FHAD1: variants seen among roughly 807,000 people sequenced by gnomAD.
The protein encoded by FHAD1 is forkhead-associated domain-containing protein 1.
FHAD1 carries 146 observed loss-of-function variants against 191.3 expected under a neutral mutation model. The observed-to-expected ratio is 0.76, with a 90% confidence interval of 0.67 to 0.88. The LOEUF is 0.88. Among genes scored for constraint, FHAD1 ranks in the 40% least tolerant of loss-of-function variants. The pLI, the probability that FHAD1 is intolerant of heterozygous loss-of-function variation, is 0.00. For missense variants in FHAD1, 1,635 were observed against 1,785.8 expected, an observed-to-expected ratio of 0.92 and a Z score of 1.52; for synonymous variants, 616 against 672.3, an observed-to-expected ratio of 0.92 and a Z score of 1.29.
At chr1:15,260,400 A>G (rs1650469379) in intron 2 of FHAD1, among the ~76,000 whole-genome samples, 1 of 152,226 alleles carries the variant, frequency 6.6e-6, no homozygotes, top group African/African-American at 2.4e-5. Context: ...ATTTATAACA[A>G]TGAGTGTTTA....
intron 2 of FHAD1, among the ~76,000 whole-genome samples, chr1:15,259,880 C>G (rs764543699): frequency 1.3e-5 from 2 of 152,194 alleles, no homozygotes; most frequent in African/African-American, 2.4e-5. Context: ...AAGGGCCCCC[C>G]TCTCCCTGCC....
intron 32 of FHAD1, among the ~76,000 whole-genome samples, chr1:15,390,202 C>T (rs369590893): frequency 1.3e-4 from 20 of 151,872 alleles, no homozygotes; most frequent in East Asian, 7.8e-4. Flanking sequence ...AAAAATTAGC[C>T]GGGTGTGGTG....
chr1:15,361,763 TCCGGAGGCCGAG>T (rs1470654448), intron 22 of FHAD1, among the ~76,000 whole-genome samples: 1 of 151,420 alleles, frequency 6.6e-6, no homozygotes. Context: ...TCCCAGCACT[TCCGGAGGCCGAG>T]GCCGGCGGAT....
At chr1:15,296,541 C>T (rs1470869444) in intron 4 of FHAD1, 143 bp from the exon 5 acceptor site, 50 of 816,276 alleles carry the variant, frequency 6.1e-5, no homozygotes, top group Non-Finnish European at 1.4e-5. Context: ...GCGTGAGCCA[C>T]AGCGCCCGGC....
chr1:15,355,077 T>C (rs1053263373), intron 20 of FHAD1, among the ~76,000 whole-genome samples: 1 of 152,002 alleles, frequency 6.6e-6, no homozygotes, highest in Non-Finnish European at 1.5e-5. Flanking sequence ...GGCATGGTGG[T>C]GCATGCTTGT....
At chr1:15,401,521 T>C (rs72643655), downstream of FHAD1, among the ~76,000 whole-genome samples, 1,171 of 152,350 alleles carry the variant, frequency 7.7e-3, 28 homozygotes, top group Admixed American at 0.048. Context: ...ATGTGGATCC[T>C]TGGATTCGTG....
At chr1:15,291,645 T>C (rs971814176) in intron 4 of FHAD1, among the ~76,000 whole-genome samples, 2 of 152,194 alleles carry the variant, frequency 1.3e-5, no homozygotes, top group African/African-American at 2.4e-5. Context: ...CTATGCGTTA[T>C]CTTACACAGT....
At chr1:15,379,486 G>A (rs979679500) in intron 28 of FHAD1, among the ~76,000 whole-genome samples, 1 of 152,172 alleles carries the variant, frequency 6.6e-6, no homozygotes, top group African/African-American at 2.4e-5. Context: ...GGACGGGCAG[G>A]AGACAGATGC....
intron 32 of FHAD1, among the ~76,000 whole-genome samples, chr1:15,388,820 CGG>C (rs1161859994): frequency 4.6e-5 from 7 of 152,154 alleles, no homozygotes; most frequent in Non-Finnish European, 1.0e-4. Context: ...CTAGAGGGGA[CGG>C]TGTGTGACGT....
chr1:15,382,893 T>C lies in FHAD1; in HGVS notation c.4188+700T>C, dbSNP rs190814690. Among the ~76,000 whole-genome samples the C allele has an allele frequency of 7.0e-4, 106 of 152,130 alleles. 1 individual carries two copies. Among genetic ancestry groups the C allele is most frequent in the African/African-American group, 2.5e-3 (103 of 41,480 alleles). On this transcript the variant is annotated intron_variant, in intron 31 of 33. Coordinates refer to ENST00000688493, the MANE Select transcript of FHAD1 (RefSeq NM_001391957.1). ...GGCTGAAGGAGCCGCAGAGGAAAGG[T>C]GTGAGGATGAGATTTGCTCCCTGGC...
rs777995313 is a variant in FHAD1 at position 15,360,700 on chromosome 1, C to T, written c.2959C>T (p.Pro987Ser). 8.4e-6 allele frequency: 13 copies of T among 1,551,066 alleles called. No individual in the cohort carries two copies. Among genetic ancestry groups the T allele is most frequent in the Non-Finnish European group, 4.4e-6 (5 of 1,146,646 alleles). ...GATTGCAACATTGAAGGACAATGAC[C>T]CAGGTAAGTCCGAAGGGAGGCCAAG... ...GEIATLKDND[P>S]APKEERPQDP... Residue 987 changes from proline to serine, a missense_variant, in exon 22 of 34, where the codon CCA becomes TCA. Physicochemically the swap from Pro to Ser is moderately conservative, Grantham distance 74. Transcript: ENST00000688493.
chr1:15,254,247 CTG>C (rs1647140849), intron 2 of FHAD1, among the ~76,000 whole-genome samples: 1 of 152,146 alleles, frequency 6.6e-6, no homozygotes, highest in Non-Finnish European at 1.5e-5. Context: ...TATTAGAAAA[CTG>C]TAGTAATTTT....
chr1:15,388,415 C>A, intron 32 of FHAD1: 1 of 1,242,834 alleles, frequency 8.0e-7, no homozygotes, highest in Admixed American at 2.9e-5. Context: ...CCCCGTCTGT[C>A]CATTAAGGTG....
At chr1:15,400,381 G>A (rs77214671), downstream of FHAD1, 2,759 of 152,350 alleles carry the variant, frequency 0.018, 31 homozygotes, top group Middle Eastern at 0.034. Flanking sequence ...TGATTCCATG[G>A]GTCAAGCTGC....
intron 15 of FHAD1, among the ~76,000 whole-genome samples, chr1:15,341,173 C>T (rs1045907463): frequency 1.3e-5 from 2 of 152,140 alleles, no homozygotes; most frequent in Non-Finnish European, 2.9e-5. Flanking sequence ...CAGAGCAAGA[C>T]ACCATCTCAA....
rs1689911408 is a variant in FHAD1, at chr1:15,349,039, C to T, written c.2347-3C>T. On this transcript the variant is annotated splice_polypyrimidine_tract_variant and splice_region_variant and intron_variant, in intron 18 of 33. Coordinates refer to ENST00000688493, the MANE Select transcript of FHAD1 (RefSeq NM_001391957.1). The stretch of plus-strand genomic sequence containing the variant: ...ACCAAGAGCACTGGTCGTTGATTTT[C>T]AGGTTTTGGAGAGCAGCATAGCCCA... The T allele has an allele frequency of 5.8e-6, 9 of 1,547,196 alleles. No individual in the cohort carries two copies. The highest frequency in any genetic ancestry group is 7.9e-6 in the Non-Finnish European group (9 of 1,144,530).
At chr1:15,339,831 C>T (rs1326704819) in intron 15 of FHAD1, among the ~76,000 whole-genome samples, 1 of 151,852 alleles carries the variant, frequency 6.6e-6, no homozygotes, top group Non-Finnish European at 1.5e-5. Context: ...GACTTAATGC[C>T]ATCAGATTTT....
chr1:15,380,853 A>G, intron 29 of FHAD1, 57 bp downstream of exon 29: 2 of 1,285,258 alleles, frequency 1.6e-6, no homozygotes, highest in South Asian at 1.3e-5. Context: ...CCCTGCAGTC[A>G]GTGTTGAACG....
At chr1:15,310,953 C>T (rs907151416) in intron 7 of FHAD1, among the ~76,000 whole-genome samples, 1 of 152,180 alleles carries the variant, frequency 6.6e-6, no homozygotes, top group Non-Finnish European at 1.5e-5. Context: ...CCTCACCTGC[C>T]TGAAACAACT....
Sources: gnomAD v4.1 joint callset for allele counts (sites outside exome capture counted in the v4.1 genomes callset) on GRCh38, gnomAD v4.1.1 for gene constraint, MANE v1.5 for transcripts, NCBI Gene and HGNC (gene_info 2026-07-23, HGNC 2026-07-21) for gene names.